LINGO2: variants seen among roughly 807,000 people sequenced by gnomAD.
LINGO2 encodes the protein leucine-rich repeat and immunoglobulin-like domain-containing nogo receptor-interacting protein 2.
A neutral mutation model predicts 30.6 loss-of-function variants in LINGO2; 14 were observed. The ratio of observed to expected loss-of-function variants is 0.46; its 90% CI spans 0.30 to 0.72. The LOEUF is 0.72. LINGO2 is among the 30% of genes least tolerant of loss of function. LINGO2 has a pLI of 0.07. For synonymous variants in LINGO2, 317 were observed against 288.5 expected (o/e 1.10, Z -1.00); for missense variants, 729 against 751.7 (o/e 0.97, Z 0.35).
At chr9:28,680,251 C>T in the LINGO2 span, among the ~76,000 whole-genome samples, 17 of 152,174 alleles carry the variant, frequency 1.1e-4, no homozygotes, top group East Asian at 5.8e-4. Context: ...TCACTTAACA[C>T]GATGTCCCTC....
chr9:28,668,957 T>C (rs770010384), intron 1 of LINGO2, among the ~76,000 whole-genome samples: 1 of 152,114 alleles, frequency 6.6e-6, no homozygotes, highest in Non-Finnish European at 1.5e-5. Flanking sequence ...ATGAACCATA[T>C]GCCTCATGGT....
intron 5 of LINGO2, among the ~76,000 whole-genome samples, chr9:27,974,126 A>G (rs557098022): frequency 7.9e-5 from 12 of 152,280 alleles, no homozygotes; most frequent in African/African-American, 2.9e-4. Context: ...TGTCATAGCC[A>G]TCACAACTGC....
chr9:28,348,049 C>A (rs753675951), intron 3 of LINGO2, among the ~76,000 whole-genome samples: 1 of 152,038 alleles, frequency 6.6e-6, no homozygotes, highest in Non-Finnish European at 1.5e-5. Context: ...TCTAGGTAAA[C>A]AGGTCATAGG....
chr9:28,374,841 T>A (rs1236830078), intron 2 of LINGO2, among the ~76,000 whole-genome samples: 1 of 152,070 alleles, frequency 6.6e-6, no homozygotes, highest in Non-Finnish European at 1.5e-5. Flanking sequence ...TTCTTTTAAT[T>A]TGACAAATTG....
intron 2 of LINGO2, among the ~76,000 whole-genome samples, chr9:28,375,123 CA>C (rs1821073887): frequency 7.0e-6 from 1 of 142,988 alleles, no homozygotes; most frequent in Non-Finnish European, 1.5e-5. Flanking sequence ...CACACACACA[CA>C]CACACACACA....
intron 4 of LINGO2, among the ~76,000 whole-genome samples, chr9:28,140,970 C>A (rs552349384): frequency 6.7e-6 from 1 of 150,358 alleles, no homozygotes; most frequent in African/African-American, 2.4e-5. Context: ...TTAATATTAT[C>A]ATTAATCATC....
At chr9:28,949,021 A>T in the LINGO2 span, among the ~76,000 whole-genome samples, 1 of 152,072 alleles carries the variant, frequency 6.6e-6, no homozygotes, top group African/African-American at 2.4e-5. Context: ...TTGAACAATG[A>T]AAGTTCCTTC....
chr9:28,974,608 A>C, the LINGO2 span, among the ~76,000 whole-genome samples: 1 of 152,300 alleles, frequency 6.6e-6, no homozygotes, highest in African/African-American at 2.4e-5. Flanking sequence ...CAAACCAAAA[A>C]ATATACAATG....
At chr9:28,048,301 G>A (rs1465217537) in intron 4 of LINGO2, among the ~76,000 whole-genome samples, 1 of 150,870 alleles carries the variant, frequency 6.6e-6, no homozygotes, top group African/African-American at 2.4e-5. Context: ...TCTACTAAGT[G>A]AAAACATTGT....
At chr9:28,339,290 T>C (rs912744942) in intron 3 of LINGO2, among the ~76,000 whole-genome samples, 1 of 152,178 alleles carries the variant, frequency 6.6e-6, no homozygotes, top group Non-Finnish European at 1.5e-5. Context: ...GCCTTAGAAC[T>C]AGGCTGTGCT....
At chr9:28,028,208 C>G (rs2119440938) in intron 4 of LINGO2, among the ~76,000 whole-genome samples, 1 of 152,202 alleles carries the variant, frequency 6.6e-6, no homozygotes, top group East Asian at 1.9e-4. Context: ...AGAAAACATA[C>G]CAAAGAGCTT....
chr9:28,632,683 A>ATATTT (rs1563878389), intron 1 of LINGO2, among the ~76,000 whole-genome samples: 2 of 105,448 alleles, frequency 1.9e-5, no homozygotes, highest in African/African-American at 6.6e-5. Context: ...TCTATATAAA[A>ATATTT]ATATATTTAT....
At chr9:28,965,610 T>G in the LINGO2 span, among the ~76,000 whole-genome samples, 4 of 152,028 alleles carry the variant, frequency 2.6e-5, no homozygotes, top group Non-Finnish European at 5.9e-5. Context: ...AGAGGGTCAA[T>G]ACAATAGGTT....
the LINGO2 span, among the ~76,000 whole-genome samples, chr9:28,928,292 G>A: frequency 2.9e-4 from 44 of 152,164 alleles, no homozygotes; most frequent in African/African-American, 9.6e-4. Context: ...CACATGCAAA[G>A]GTAATATTCT....
At position 28,243,175 on chromosome 9, in the gene LINGO2, A is replaced by G. The variant is rs1203777895; in HGVS notation, c.-87+52033T>C. The stretch of plus-strand genomic sequence containing the variant: ...ATGCCCCAGTTAAAAGACACGGACT[A>G]GGCTGGGTGTGGTAGCTCACGCCTG... On this transcript the variant is annotated intron_variant, in intron 4 of 5. Transcript: ENST00000379992. Among the ~76,000 whole-genome samples the G allele has an allele frequency of 3.9e-5, 6 of 152,014 alleles. No homozygotes were observed. In the East Asian group the frequency reaches 1.2e-3, roughly 29 times the overall value.
chr9:28,468,069 AAAAT>A, intron 2 of LINGO2, among the ~76,000 whole-genome samples: 3 of 152,332 alleles, frequency 2.0e-5, no homozygotes, highest in Admixed American at 2.0e-4. Flanking sequence ...AACAAACACT[AAAAT>A]AAATAGATAA....
chr9:28,663,731 A>AT (rs1828677888), intron 1 of LINGO2, among the ~76,000 whole-genome samples: 1 of 152,186 alleles, frequency 6.6e-6, no homozygotes, highest in Non-Finnish European at 1.5e-5. Flanking sequence ...TAAACCATTT[A>AT]AAAAGGTTAT....
chr9:28,493,927 G>C (rs1482082887), intron 1 of LINGO2, among the ~76,000 whole-genome samples: 1 of 152,122 alleles, frequency 6.6e-6, no homozygotes, highest in Non-Finnish European at 1.5e-5. Flanking sequence ...TTTGGGACTT[G>C]ACTGGCTTCC....
At chr9:28,429,692 C>G (rs1366677146) in intron 2 of LINGO2, among the ~76,000 whole-genome samples, 1 of 152,158 alleles carries the variant, frequency 6.6e-6, no homozygotes, top group Non-Finnish European at 1.5e-5. Context: ...ATACACTAAA[C>G]TAATTACCAT....
Sources: gnomAD v4.1 joint callset for allele counts (sites outside exome capture counted in the v4.1 genomes callset) on GRCh38, gnomAD v4.1.1 for gene constraint, MANE v1.5 for transcripts, NCBI Gene and HGNC (gene_info 2026-07-23, HGNC 2026-07-21) for gene names.